The following SMIM31 variants were observed in gnomAD, a reference collection of about 807,000 sequenced individuals.
SMIM31 encodes the protein human epithelial cell program regulator.
chr4:164,763,674 C>A (rs1037557527), intron 1 of SMIM31, among the ~76,000 whole-genome samples: 1 of 152,160 alleles, frequency 6.6e-6, no homozygotes, highest in African/African-American at 2.4e-5. Flanking sequence ...CCTAAGCTTA[C>A]AGATTAAGCA....
At chr4:164,780,495 G>A (rs1732935719) in intron 2 of SMIM31, among the ~76,000 whole-genome samples, 1 of 152,214 alleles carries the variant, frequency 6.6e-6, no homozygotes, top group Admixed American at 6.5e-5. Context: ...CAGGGGCCTA[G>A]GCCAGGTGTG....
intron 2 of SMIM31, among the ~76,000 whole-genome samples, chr4:164,792,232 C>T (rs1014492710): frequency 1.3e-5 from 2 of 152,148 alleles, no homozygotes; most frequent in Non-Finnish European, 2.9e-5. Flanking sequence ...TATCATTAAC[C>T]TTTTTCAAAG....
At chr4:164,779,815 TA>T (rs1732924044) in intron 2 of SMIM31, among the ~76,000 whole-genome samples, 1 of 152,214 alleles carries the variant, frequency 6.6e-6, no homozygotes, top group African/African-American at 2.4e-5. Context: ...AGTTATGCTT[TA>T]AAAGAAGGAT....
chr4:164,799,585 A>G (rs1440663580), intron 2 of SMIM31, among the ~76,000 whole-genome samples: 1 of 152,130 alleles, frequency 6.6e-6, no homozygotes, highest in Non-Finnish European at 1.5e-5. Flanking sequence ...TCAGGCCCTC[A>G]ACAGGTTGAA....
chr4:164,775,517 C>T (rs540862458), intron 2 of SMIM31, among the ~76,000 whole-genome samples: 2 of 152,264 alleles, frequency 1.3e-5, no homozygotes, highest in South Asian at 4.1e-4. Flanking sequence ...TCTACTCCTC[C>T]CTATAAAATT....
At chr4:164,759,108 T>C (rs1732612505) in intron 1 of SMIM31, among the ~76,000 whole-genome samples, 1 of 152,116 alleles carries the variant, frequency 6.6e-6, no homozygotes, top group African/African-American at 2.4e-5. Context: ...TTTCATTTGC[T>C]ATCATCTTAT....
chr4:164,802,551 T>C lies in SMIM31; in HGVS notation c.*1357T>C, dbSNP rs1733300972. ...ATGCCTGGCCTGTTATTTATAACTC[T>C]TACAAACATTAAACCATCACAATCA... is the stretch of plus-strand genomic sequence containing the variant. On this transcript the variant is annotated 3_prime_UTR_variant, in exon 3 of 3. Coordinates refer to ENST00000507311, the MANE Select transcript of SMIM31 (RefSeq NM_001352885.1). 1 of 152,046 alleles carries C rather than the reference T, an allele frequency of 6.6e-6. No individual in the cohort carries two copies. The highest frequency in any genetic ancestry group is 1.5e-5 in the Non-Finnish European group (1 of 68,052). The allele number at this position is 152,046 out of a possible 1,614,324, so 9.4% of individuals were successfully genotyped here.
intron 2 of SMIM31, among the ~76,000 whole-genome samples, chr4:164,793,524 C>T (rs1733133467): frequency 6.6e-6 from 1 of 152,084 alleles, no homozygotes; most frequent in Non-Finnish European, 1.5e-5. Context: ...CTGGGAAGTC[C>T]AAGATCAAGG....
At chr4:164,784,121 T>TG (rs748369412) in intron 2 of SMIM31, among the ~76,000 whole-genome samples, 78 of 152,196 alleles carry the variant, frequency 5.1e-4, no homozygotes, top group Non-Finnish European at 8.5e-4. Flanking sequence ...TGAAGAAAGT[T>TG]GGGGGCGAGG....
chr4:164,771,655 A>G (rs908704823), intron 2 of SMIM31, among the ~76,000 whole-genome samples: 2 of 152,018 alleles, frequency 1.3e-5, no homozygotes, highest in Non-Finnish European at 2.9e-5. Flanking sequence ...CAAAAAAAAA[A>G]AAAATTAGCT....
intron 2 of SMIM31, among the ~76,000 whole-genome samples, chr4:164,783,585 T>A (rs1732988916): frequency 6.6e-6 from 1 of 150,448 alleles, no homozygotes; most frequent in Non-Finnish European, 1.5e-5. Flanking sequence ...AAATGAAATT[T>A]CAGAAAACAG....
At chr4:164,755,934 C>G (rs2110912961) in intron 1 of SMIM31, among the ~76,000 whole-genome samples, 1 of 152,248 alleles carries the variant, frequency 6.6e-6, no homozygotes, top group Admixed American at 6.5e-5. Context: ...GTACAATTAG[C>G]ATTTTGCTAT....
At chr4:164,772,714 G>A (rs375536201) in intron 2 of SMIM31, among the ~76,000 whole-genome samples, 1 of 151,720 alleles carries the variant, frequency 6.6e-6, no homozygotes, top group South Asian at 2.1e-4. Context: ...GTGTAGCTGG[G>A]ACTACAGGCG....
At chr4:164,760,824 A>G (rs1201387140) in intron 1 of SMIM31, among the ~76,000 whole-genome samples, 1 of 152,040 alleles carries the variant, frequency 6.6e-6, no homozygotes, top group Non-Finnish European at 1.5e-5. Flanking sequence ...GATAGGAGTC[A>G]AGGATGACTT....
At chr4:164,800,721 C>G (rs1463321427) in intron 2 of SMIM31, among the ~76,000 whole-genome samples, 3 of 152,158 alleles carry the variant, frequency 2.0e-5, no homozygotes, top group Non-Finnish European at 4.4e-5. Context: ...CTACAGCTTT[C>G]TCTGTCTTTA....
At chr4:164,771,840 C>G (rs1485598829) in intron 2 of SMIM31, among the ~76,000 whole-genome samples, 1 of 151,858 alleles carries the variant, frequency 6.6e-6, no homozygotes, top group East Asian at 1.9e-4. Flanking sequence ...AAAAAAGAAT[C>G]CACTCAACCT....
chr4:164,783,192 T>C (rs2110948004), intron 2 of SMIM31, among the ~76,000 whole-genome samples: 1 of 125,922 alleles, frequency 7.9e-6, no homozygotes, highest in Middle Eastern at 5.0e-3. Context: ...CACTCCAGCC[T>C]GGGCAACATA....
chr4:164,772,588 T>TTA lies in SMIM31; in HGVS notation c.112+2034_112+2035insAT, dbSNP rs1259394023. Among the ~76,000 whole-genome samples the TTA allele has an allele frequency of 2.4e-5, 3 of 126,134 alleles. 1 individual carries two copies. The allele number at this position is 126,134 out of a possible 152,430, so 82.7% of individuals were successfully genotyped here. A position where few individuals can be genotyped will look rare whatever the true frequency, so the allele number is the denominator to read the frequency against. Reference sequence around the variant, plus strand: ...TTATTTTTTTTATTTTTATTTTATTTTTTTTTTTGAGACGGAGTCTCGCTC... The same window carrying TTA: ...TTATTTTTTTTATTTTTATTTTATTTTATTTTTTTTGAGACGGAGTCTCGCTC... On this transcript the variant is annotated intron_variant, in intron 2 of 2. Coordinates refer to ENST00000507311, the MANE Select transcript of SMIM31 (RefSeq NM_001352885.1).
intron 2 of SMIM31, among the ~76,000 whole-genome samples, chr4:164,781,183 A>G (rs765442380): frequency 6.6e-6 from 1 of 151,840 alleles, no homozygotes; most frequent in Non-Finnish European, 1.5e-5. Context: ...GCTGAAGATG[A>G]AGAACTACTG....
Sources: allele counts gnomAD v4.1 joint callset (sites outside exome capture counted in the v4.1 genomes callset), GRCh38; gene constraint gnomAD v4.1.1; transcripts MANE v1.5; gene names NCBI Gene and HGNC (gene_info 2026-07-23, HGNC 2026-07-21).